The following SLC35F3 variants were observed in gnomAD, a reference collection of about 807,000 sequenced individuals.
SLC35F3 encodes the protein solute carrier family 35 member F3.
A neutral mutation model predicts 49.9 loss-of-function variants in SLC35F3; 25 were observed. The ratio of observed to expected loss-of-function variants is 0.50; its 90% CI spans 0.37 to 0.70. The LOEUF (loss-of-function observed/expected upper bound fraction) is 0.70. Among genes scored for constraint, SLC35F3 ranks in the 30% least tolerant of loss-of-function variants. The pLI is 0.00. For missense variants in SLC35F3, 525 were observed against 639.8 expected, an observed-to-expected ratio of 0.82 and a Z score of 1.94; for synonymous variants, 275 against 265.4, an observed-to-expected ratio of 1.04 and a Z score of -0.35.
At chr1:233,917,219 C>T (rs961585537) in intron 2 of SLC35F3, among the ~76,000 whole-genome samples, 4 of 152,142 alleles carry the variant, frequency 2.6e-5, no homozygotes, top group Non-Finnish European at 5.9e-5. Flanking sequence ...CTCTAAATAT[C>T]TTGGGAGTAT....
chr1:234,040,322 G>A (rs1196475413), intron 2 of SLC35F3, among the ~76,000 whole-genome samples: 10 of 152,176 alleles, frequency 6.6e-5, no homozygotes, highest in African/African-American at 2.4e-4. Flanking sequence ...CACAGAATGG[G>A]GGAGCAGGAT....
At chr1:234,052,088 G>T (rs555691223) in intron 2 of SLC35F3, among the ~76,000 whole-genome samples, 1 of 152,280 alleles carries the variant, frequency 6.6e-6, no homozygotes, top group African/African-American at 2.4e-5. Context: ...CAGGGATATT[G>T]GTCTAAAATT....
Position 234,267,619 on chromosome 1 carries a change from T to C in SLC35F3, c.608+35878T>C, listed in dbSNP as rs553584118. ...CCCCTCACCTCCTGGATGGGGCGGC[T>C]GGCCAGGCGGGGGGCTGACCCCCCC... On this transcript the variant is annotated intron_variant, in intron 3 of 7. Coordinates refer to ENST00000366618, the MANE Select transcript of SLC35F3 (RefSeq NM_173508.4). Among the ~76,000 whole-genome samples, 330 of 147,790 alleles carry C rather than the reference T, an allele frequency of 2.2e-3. 3 individuals are homozygous for C. The highest frequency in any genetic ancestry group is 9.5e-4 in the Non-Finnish European group (64 of 67,240).
intron 2 of SLC35F3, among the ~76,000 whole-genome samples, chr1:234,065,179 G>T (rs541162111): frequency 6.6e-6 from 1 of 151,348 alleles, no homozygotes; most frequent in South Asian, 2.1e-4. Flanking sequence ...ACAAAGTCTC[G>T]CTCTGTCTCC....
Position 234,231,439 on chromosome 1 carries a change from C to G in SLC35F3, c.306C>G (p.Ser102=). Residue 102 remains serine (S), a synonymous_variant, in exon 3 of 8, where the codon TCC becomes TCG. Transcript: ENST00000366618. This position sits in a 1 kb window ranked among gnomAD's most constrained non-coding sequence, Gnocchi z 5.4. ...CAGGGGAGGAGCGCCCCCGGGACTCCCCGGGCCCGGCGGAGGCCCAGGCAC... is the reference window on the plus strand; with the variant it reads ...CAGGGGAGGAGCGCCCCCGGGACTCGCCGGGCCCGGCGGAGGCCCAGGCAC... ...SCKREERPRD[S]PGPAEAQAPA... The G allele has an allele frequency of 2.5e-6, 4 of 1,595,452 alleles. No homozygotes were observed. Among genetic ancestry groups the G allele is most frequent in the Non-Finnish European group, 3.4e-6 (4 of 1,171,392 alleles).
chr1:233,906,673 C>T (rs1348659310), intron 2 of SLC35F3, among the ~76,000 whole-genome samples: 11 of 151,870 alleles, frequency 7.2e-5, no homozygotes, highest in Non-Finnish European at 1.2e-4. Flanking sequence ...GAGTTTTTTT[C>T]GACCTTTTAT....
chr1:234,268,236 C>T (rs1470214579), intron 3 of SLC35F3, among the ~76,000 whole-genome samples: 1 of 152,180 alleles, frequency 6.6e-6, no homozygotes, highest in Non-Finnish European at 1.5e-5. Context: ...GCGGATCACT[C>T]GCGATTAGGA....
At chr1:233,989,709 A>G (rs1204023934) in intron 2 of SLC35F3, among the ~76,000 whole-genome samples, 3 of 152,200 alleles carry the variant, frequency 2.0e-5, no homozygotes, top group Non-Finnish European at 4.4e-5. Context: ...ATTAGAAACA[A>G]ATTTTGTAAC....
intron 3 of SLC35F3, among the ~76,000 whole-genome samples, chr1:234,244,127 C>T (rs1028490480): frequency 5.9e-5 from 9 of 152,212 alleles, no homozygotes; most frequent in Non-Finnish European, 1.0e-4. Context: ...CCATCTCTCC[C>T]CACAAGCTCA....
chr1:234,042,019 G>C (rs1664229102), intron 2 of SLC35F3, among the ~76,000 whole-genome samples: 1 of 152,158 alleles, frequency 6.6e-6, no homozygotes, highest in Non-Finnish European at 1.5e-5. Flanking sequence ...AAGTAGGCCA[G>C]CTGCCCAGTA....
In SLC35F3 at chr1:234,073,170, G is replaced by A. The variant is rs1193974972; in HGVS notation, c.284-158247G>A. 2.0e-5 allele frequency among the ~76,000 whole-genome samples: 3 copies of A among 152,090 alleles called. No individual in the cohort carries two copies. The East Asian group carries it at 5.8e-4, about 29-fold the overall frequency. On this transcript the variant is annotated intron_variant, in intron 2 of 7. Coordinates refer to ENST00000366618, the MANE Select transcript of SLC35F3 (RefSeq NM_173508.4). ...TTTTGATTTTTATTTTACAGATAGG[G>A]TCTTGCTGTGTCACCCAGGCTGGAA...
At chr1:234,185,043 G>T (rs1666620986) in intron 2 of SLC35F3, among the ~76,000 whole-genome samples, 1 of 152,208 alleles carries the variant, frequency 6.6e-6, no homozygotes, top group South Asian at 2.1e-4. Flanking sequence ...CCCTGCAACA[G>T]GAGGGAAGCT....
intron 2 of SLC35F3, among the ~76,000 whole-genome samples, chr1:233,932,184 A>G (rs1435099704): frequency 6.6e-6 from 1 of 152,176 alleles, no homozygotes; most frequent in Admixed American, 6.5e-5. Context: ...ATTAGGAGAA[A>G]TACCTAATGT....
Position 234,231,482 on chromosome 1 carries a change from G to A in SLC35F3, c.349G>A (p.Gly117Ser). Reference sequence around the variant, plus strand: ...CCAGGCACCGGCCGGGGTGGAGGCCGGCGGGAGAGCGAGTCGCCGCTGCTG... The same window carrying A: ...CCAGGCACCGGCCGGGGTGGAGGCCAGCGGGAGAGCGAGTCGCCGCTGCTG... Reference protein sequence around the residue: ...EAQAPAGVEAGGRASRRCWTC... With the variant: ...EAQAPAGVEASGRASRRCWTC... Residue 117 changes from glycine to serine, a missense_variant, in exon 3 of 8, where the codon GGC becomes AGC. By Grantham distance (56) the Gly-to-Ser change is moderately conservative. This residue lies in a region of SLC35F3 where 228 missense variants were observed against 218.9 expected (regional missense o/e 1.04). Coordinates refer to ENST00000366618, the MANE Select transcript of SLC35F3 (RefSeq NM_173508.4). This position sits in a 1 kb window ranked among gnomAD's most constrained non-coding sequence, Gnocchi z 5.4. 2 of 1,612,104 alleles carry A rather than the reference G, an allele frequency of 1.2e-6. No homozygotes were observed. Among genetic ancestry groups the A allele is most frequent in the Non-Finnish European group, 8.5e-7 (1 of 1,179,148 alleles).
chr1:233,999,783 A>G (rs1017746268), intron 2 of SLC35F3, among the ~76,000 whole-genome samples: 2 of 152,032 alleles, frequency 1.3e-5, no homozygotes, highest in Non-Finnish European at 2.9e-5. Flanking sequence ...TATTTGCATT[A>G]ATTTCCTTTC....
intron 2 of SLC35F3, among the ~76,000 whole-genome samples, chr1:233,912,920 G>A (rs757047740): frequency 2.0e-5 from 3 of 152,190 alleles, no homozygotes; most frequent in Non-Finnish European, 4.4e-5. Flanking sequence ...CTGTACAGCT[G>A]GCATCTATTA....
chr1:234,055,585 C>T (rs1017213212), intron 2 of SLC35F3, among the ~76,000 whole-genome samples: 16 of 152,166 alleles, frequency 1.1e-4, no homozygotes, highest in Non-Finnish European at 2.1e-4. Flanking sequence ...AAAGGGAATT[C>T]CTCAACCCCT....
chr1:234,052,305 C>T (rs1316792148), intron 2 of SLC35F3, among the ~76,000 whole-genome samples: 1 of 152,200 alleles, frequency 6.6e-6, no homozygotes, highest in Non-Finnish European at 1.5e-5. Flanking sequence ...ATTATTGCCT[C>T]AATTTCAGAG....
intron 2 of SLC35F3, among the ~76,000 whole-genome samples, chr1:234,115,046 T>C (rs950181400): frequency 2.6e-5 from 4 of 152,216 alleles, no homozygotes; most frequent in Non-Finnish European, 4.4e-5. Context: ...TGAGGTCTTC[T>C]GGCTCTGCCT....
Sources: allele counts gnomAD v4.1 joint callset (sites outside exome capture counted in the v4.1 genomes callset), GRCh38; gene constraint gnomAD v4.1.1; regional missense constraint gnomAD v4.1.1; non-coding constraint Gnocchi (gnomAD v3.1); transcripts MANE v1.5; gene names NCBI Gene and HGNC (gene_info 2026-07-23, HGNC 2026-07-21).